TENM4: variants seen among roughly 807,000 people sequenced by gnomAD.
TENM4 encodes teneurin transmembrane protein 4.
A neutral mutation model predicts 243.3 loss-of-function variants in TENM4; 82 were observed. The ratio of observed to expected loss-of-function variants is 0.34; its 90% CI spans 0.28 to 0.40. The LOEUF is 0.40. TENM4 is among the 10% of genes least tolerant of loss of function. The probability of loss-of-function intolerance (pLI) is 1.00; values close to 1 mark genes in which losing one functional copy is unlikely to be tolerated. For synonymous variants in TENM4, 1,412 were observed against 1,456.3 expected (o/e 0.97, Z 0.69); for missense variants, 3,138 against 3,673.3 (o/e 0.85, Z 3.77).
At chr11:79,199,541 G>A (rs1410193542) in intron 3 of TENM4, among the ~76,000 whole-genome samples, 3 of 152,192 alleles carry the variant, frequency 2.0e-5, no homozygotes, top group African/African-American at 7.2e-5. Flanking sequence ...CTGAGTAGAG[G>A]ATATGGGACT....
intron 18 of TENM4, among the ~76,000 whole-genome samples, chr11:78,763,277 G>A (rs186769995): frequency 6.6e-6 from 1 of 152,330 alleles, no homozygotes; most frequent in African/African-American, 2.4e-5. Context: ...ACAGTGAAAA[G>A]AGGCAGAAGA....
chr11:79,066,830 G>C (rs188179081), intron 5 of TENM4, among the ~76,000 whole-genome samples: 1 of 152,232 alleles, frequency 6.6e-6, no homozygotes. Flanking sequence ...AGGAAGCGGG[G>C]AGGAGAGACC....
chr11:79,270,868 G>T (rs1198249515), intron 2 of TENM4, among the ~76,000 whole-genome samples: 1 of 152,182 alleles, frequency 6.6e-6, no homozygotes, highest in Non-Finnish European at 1.5e-5. Context: ...GTCCTTAGCA[G>T]AGGGCTGGGC....
At chr11:78,929,391 G>C (rs990110745) in intron 6 of TENM4, among the ~76,000 whole-genome samples, 3 of 152,118 alleles carry the variant, frequency 2.0e-5, no homozygotes, top group African/African-American at 7.2e-5. Flanking sequence ...AGGTGGGAGG[G>C]GGAAAGTTTA....
chr11:78,669,182 A>G lies in TENM4; in HGVS notation c.7163T>C (p.Ile2388Thr). The G allele has an allele frequency of 6.2e-7, 1 of 1,613,796 alleles. No individual in the cohort carries two copies. The highest frequency in any genetic ancestry group is 1.6e-4 in the Middle Eastern group (1 of 6,062). ...KQILYTAYGE[I>T]YMDTNPNFQI... is the part of the protein sequence containing the mutation. The stretch of plus-strand genomic sequence containing the variant: ...AAAGTTGGGGTTGGTATCCATGTAG[A>G]TCTCCCCATAGGCTGTGTACAGGAT... The change falls in exon 32 of 34, where the codon ATC (isoleucine) becomes ACC (threonine). Residue 2388 changes from isoleucine to threonine, a missense_variant. By Grantham distance (89) the Ile-to-Thr change is moderately conservative. This residue lies in a region of TENM4 where 2,467 missense variants were observed against 3,059.1 expected (regional missense o/e 0.81). Transcript: ENST00000278550. This position sits in a 1 kb window ranked among gnomAD's most constrained non-coding sequence, Gnocchi z 6.4.
chr11:79,013,141 A>T lies in TENM4; in HGVS notation c.493+51597T>A, dbSNP rs1246528720. The stretch of plus-strand genomic sequence containing the variant: ...TGATATTATGGTGCCTCTTTCAGAC[A>T]TTCGGGAAATGGCAACATTCAGGGG... On this transcript the variant is annotated intron_variant, in intron 6 of 33. Transcript: ENST00000278550. Among the ~76,000 whole-genome samples the T allele has an allele frequency of 2.6e-5, 4 of 152,214 alleles. No individual in the cohort carries two copies. The East Asian group carries it at 7.7e-4, about 29-fold the overall frequency.
chr11:78,960,955 G>A (rs1437555608), intron 6 of TENM4, among the ~76,000 whole-genome samples: 2 of 152,170 alleles, frequency 1.3e-5, no homozygotes, highest in African/African-American at 4.8e-5. Context: ...ACTGTGATGG[G>A]TGCTCATCAT....
intron 3 of TENM4, among the ~76,000 whole-genome samples, chr11:79,160,518 C>G (rs1489609206): frequency 6.6e-6 from 1 of 151,938 alleles, no homozygotes; most frequent in African/African-American, 2.4e-5. Context: ...ATGGGGGCAT[C>G]TCGGAGAGCA....
chr11:79,415,493 T>TC (rs1858793864), intron 1 of TENM4, among the ~76,000 whole-genome samples: 1 of 152,194 alleles, frequency 6.6e-6, no homozygotes, highest in African/African-American at 2.4e-5. Flanking sequence ...GTATATTAAC[T>TC]CCTTCAAAGG....
intron 6 of TENM4, among the ~76,000 whole-genome samples, chr11:78,975,715 C>T (rs1160253507): frequency 1.3e-5 from 2 of 151,598 alleles, no homozygotes; most frequent in Non-Finnish European, 2.9e-5. Flanking sequence ...AATAGTCCAG[C>T]CTCCTACTCA....
At chr11:78,752,043 T>C (rs1565363680) in intron 19 of TENM4, among the ~76,000 whole-genome samples, 3 of 152,220 alleles carry the variant, frequency 2.0e-5, no homozygotes, top group Admixed American at 1.3e-4. Context: ...TTCCCATGCC[T>C]ACTCTGTCCC....
intron 6 of TENM4, among the ~76,000 whole-genome samples, chr11:78,924,931 A>G (rs538692983): frequency 6.6e-6 from 1 of 152,322 alleles, no homozygotes; most frequent in East Asian, 1.9e-4. Flanking sequence ...GGTCACCCAT[A>G]ACATTGGGGC....
intron 4 of TENM4, among the ~76,000 whole-genome samples, chr11:79,140,160 T>G (rs1862259850): frequency 6.6e-6 from 1 of 152,016 alleles, no homozygotes; most frequent in South Asian, 2.1e-4. Context: ...TCATAGGCAG[T>G]TCCGGCGTGC....
intron 4 of TENM4, among the ~76,000 whole-genome samples, chr11:79,103,180 T>C (rs1591284989): frequency 6.6e-6 from 1 of 152,290 alleles, no homozygotes; most frequent in Non-Finnish European, 1.5e-5. Context: ...CAGGAAGCTT[T>C]CTTAGGCTCT....
intron 1 of TENM4, among the ~76,000 whole-genome samples, chr11:79,307,223 G>A (rs1856640839): frequency 6.6e-6 from 1 of 152,170 alleles, no homozygotes. Flanking sequence ...CAGAGTGGCA[G>A]CGGGAACTAG....
intron 4 of TENM4, among the ~76,000 whole-genome samples, chr11:79,088,245 C>T (rs1169790911): frequency 1.3e-5 from 2 of 152,142 alleles, no homozygotes; most frequent in Non-Finnish European, 1.5e-5. Flanking sequence ...GTATCTAGGG[C>T]CCAGCCTGGC....
chr11:79,337,929 T>A (rs1345489113), intron 1 of TENM4, among the ~76,000 whole-genome samples: 1 of 152,208 alleles, frequency 6.6e-6, no homozygotes, highest in African/African-American at 2.4e-5. Context: ...CACAGCCAGA[T>A]CAGGGTCCTT....
Position 78,899,565 on chromosome 11 carries a change from G to GGT in TENM4, c.749+3702_749+3703insAC, listed in dbSNP as rs1555098941. Among the ~76,000 whole-genome samples the GGT allele has an allele frequency of 9.7e-5, 13 of 134,056 alleles. 1 individual carries two copies. The highest frequency in any genetic ancestry group is 3.7e-4 in the Admixed American group (5 of 13,426). 87.9% of individuals were successfully genotyped at this position (134,056 alleles called of 152,430 possible). ...TGCACTCTGTCTCAAAAAGCGGGGG[G>GGT]GGGGGGAAAAAGAAAAAAGAAAGAA... is the stretch of plus-strand genomic sequence containing the variant. On this transcript the variant is annotated intron_variant, in intron 7 of 33. Transcript: ENST00000278550.
intron 4 of TENM4, among the ~76,000 whole-genome samples, chr11:79,113,885 CTTG>C (rs1861563590): frequency 6.6e-6 from 1 of 152,194 alleles, no homozygotes; most frequent in Non-Finnish European, 1.5e-5. Flanking sequence ...ACTCTCAATG[CTTG>C]TTGTTGCCTG....
Sources: allele counts gnomAD v4.1 joint callset (sites outside exome capture counted in the v4.1 genomes callset), GRCh38; gene constraint gnomAD v4.1.1; regional missense constraint gnomAD v4.1.1; non-coding constraint Gnocchi (gnomAD v3.1); transcripts MANE v1.5; gene names NCBI Gene and HGNC (gene_info 2026-07-23, HGNC 2026-07-21).